The following CHRM3 variants were observed in gnomAD, a reference collection of about 807,000 sequenced individuals.
CHRM3 encodes the protein cholinergic receptor muscarinic 3.
In CHRM3, 11 loss-of-function variants were observed where a neutral mutation model predicts 41.8. The observed-to-expected ratio is 0.26, with a 90% CI of 0.17 to 0.44. The LOEUF (loss-of-function observed/expected upper bound fraction) is 0.44, where lower values mean the gene tolerates loss of function less well. Among genes scored for constraint, CHRM3 ranks in the 20% least tolerant of loss-of-function variants. The pLI is 1.00. For synonymous variants in CHRM3, 297 were observed against 301.4 expected (o/e 0.99, Z 0.15); for missense variants, 571 against 745.4 (o/e 0.77, Z 2.72).
chr1:239,830,216 A>C (rs2149094434), intron 6 of CHRM3, among the ~76,000 whole-genome samples: 1 of 152,338 alleles, frequency 6.6e-6, no homozygotes, highest in Middle Eastern at 3.4e-3. Context: ...TAAAGATTAA[A>C]ATATGTACTT....
At chr1:239,794,987 G>A (rs1324034452) in intron 5 of CHRM3, among the ~76,000 whole-genome samples, 1 of 152,140 alleles carries the variant, frequency 6.6e-6, no homozygotes, top group African/African-American at 2.4e-5. Context: ...ATCCACACGT[G>A]AGAATAGATC....
intron 5 of CHRM3, chr1:239,707,342 T>C (rs1430655179): frequency 6.6e-6 from 1 of 152,154 alleles, no homozygotes; most frequent in Non-Finnish European, 1.5e-5. Context: ...AAAAATTAGC[T>C]GCATAATAAA....
intron 4 of CHRM3, among the ~76,000 whole-genome samples, chr1:239,673,874 A>G (rs554631912): frequency 2.0e-4 from 31 of 152,314 alleles, no homozygotes; most frequent in Non-Finnish European, 4.4e-4. Context: ...ATTCACTATT[A>G]TAAATACAGA....
intron 3 of CHRM3, among the ~76,000 whole-genome samples, chr1:239,614,719 T>C (rs142342163): frequency 8.6e-4 from 131 of 152,318 alleles, no homozygotes; most frequent in African/African-American, 3.1e-3. Flanking sequence ...TTTGCTGCTT[T>C]TAGCTAATTA....
At chr1:239,616,616 G>A (rs951804052) in intron 3 of CHRM3, among the ~76,000 whole-genome samples, 4 of 152,054 alleles carry the variant, frequency 2.6e-5, no homozygotes, top group Non-Finnish European at 5.9e-5. Context: ...GTTGTTTGCC[G>A]TACCAGCAGT....
intron 1 of CHRM3, among the ~76,000 whole-genome samples, chr1:239,453,419 ATTTC>A (rs1358822628): frequency 6.6e-5 from 10 of 152,156 alleles, no homozygotes; most frequent in African/African-American, 2.4e-4. Context: ...AAATTGATTG[ATTTC>A]TTTAATATGG....
chr1:239,725,655 G>A (rs1663368628), intron 5 of CHRM3, among the ~76,000 whole-genome samples: 1 of 151,810 alleles, frequency 6.6e-6, no homozygotes, highest in East Asian at 1.9e-4. Context: ...ATTGGTGGCC[G>A]GGTCATGGAT....
At chr1:239,614,010 T>G (rs1667354767) in intron 3 of CHRM3, among the ~76,000 whole-genome samples, 1 of 151,888 alleles carries the variant, frequency 6.6e-6, no homozygotes, top group South Asian at 2.1e-4. Flanking sequence ...ATAAAATAAA[T>G]AAAACAATTA....
At chr1:239,897,034 A>G (rs761658835) in intron 6 of CHRM3, among the ~76,000 whole-genome samples, 8 of 152,220 alleles carry the variant, frequency 5.3e-5, no homozygotes, top group Non-Finnish European at 5.9e-5. Flanking sequence ...ATCCTCAAGT[A>G]TTATAATCCT....
chr1:239,632,031 C>G (rs1294984215), intron 3 of CHRM3, among the ~76,000 whole-genome samples, 193 bp from the exon 4 acceptor site: 2 of 152,212 alleles, frequency 1.3e-5, no homozygotes, highest in Non-Finnish European at 2.9e-5. Flanking sequence ...CTTAACTTCT[C>G]TGACCCTCTC....
At chr1:239,814,441 A>G (rs999757568) in intron 5 of CHRM3, among the ~76,000 whole-genome samples, 3 of 152,186 alleles carry the variant, frequency 2.0e-5, no homozygotes, top group Non-Finnish European at 4.4e-5. Flanking sequence ...TGAATGTAAC[A>G]TGCATTTCAG....
At chr1:239,640,623 A>G (rs1671020651) in intron 4 of CHRM3, among the ~76,000 whole-genome samples, 1 of 149,960 alleles carries the variant, frequency 6.7e-6, no homozygotes, top group African/African-American at 2.5e-5. Flanking sequence ...CCCCTTTATC[A>G]TTTTTTATTG....
At chr1:239,674,224 T>G (rs985667903) in intron 4 of CHRM3, among the ~76,000 whole-genome samples, 1 of 152,146 alleles carries the variant, frequency 6.6e-6, no homozygotes. Flanking sequence ...TCCACAGATA[T>G]GAATATATTT....
intron 4 of CHRM3, among the ~76,000 whole-genome samples, chr1:239,642,566 G>A (rs1048976619): frequency 3.9e-5 from 6 of 152,100 alleles, no homozygotes; most frequent in Non-Finnish European, 8.8e-5. Flanking sequence ...ATCGGCTCCT[G>A]AGGCTTCTGC....
chr1:239,452,486 G>T (rs1572353362), intron 1 of CHRM3, among the ~76,000 whole-genome samples: 1 of 152,148 alleles, frequency 6.6e-6, no homozygotes, highest in Non-Finnish European at 1.5e-5. Flanking sequence ...TAACCATCGA[G>T]CAGGATTCTA....
At chr1:239,556,865 T>TAGA (rs1272460330) in intron 3 of CHRM3, among the ~76,000 whole-genome samples, 2 of 152,166 alleles carry the variant, frequency 1.3e-5, no homozygotes, top group African/African-American at 4.8e-5. Flanking sequence ...GCAGCATACA[T>TAGA]AGAAGAAAGC....
At chr1:239,760,137 G>A (rs111335612) in intron 5 of CHRM3, among the ~76,000 whole-genome samples, 4,075 of 151,054 alleles carry the variant, frequency 0.027, 196 homozygotes, top group African/African-American at 0.093. Context: ...GTGTTAGCCA[G>A]GATGGTCTCG....
Position 239,913,906 on chromosome 1 carries a change from G to A in CHRM3, c.*4682G>A, listed in dbSNP as rs1040762375. On this transcript the variant is annotated 3_prime_UTR_variant, in exon 7 of 7. Coordinates refer to ENST00000676153, the MANE Select transcript of CHRM3 (RefSeq NM_001375978.1). The stretch of plus-strand genomic sequence containing the variant: ...TTGCTAGAATATCAGGCCTATGTTT[G>A]TTCTGGTAGAACCACAGAGACTCAC... 1 of 166,988 alleles carries A rather than the reference G, an allele frequency of 6.0e-6. No individual in the cohort carries two copies. The highest frequency in any genetic ancestry group is 2.1e-4 in the South Asian group (1 of 4,820). The allele number at this position is 166,988 out of a possible 1,614,324, so 10.3% of individuals were successfully genotyped here. A position where few individuals can be genotyped will look rare whatever the true frequency, so the allele number is the denominator to read the frequency against.
intron 5 of CHRM3, among the ~76,000 whole-genome samples, chr1:239,733,461 A>G (rs1166147456): frequency 6.6e-6 from 1 of 152,024 alleles, no homozygotes; most frequent in Non-Finnish European, 1.5e-5. Flanking sequence ...GTAGATATAT[A>G]CCTGACATCT....
Sources: allele counts gnomAD v4.1 joint callset (sites outside exome capture counted in the v4.1 genomes callset), GRCh38; gene constraint gnomAD v4.1.1; transcripts MANE v1.5; gene names NCBI Gene and HGNC (gene_info 2026-07-23, HGNC 2026-07-21).